Variants in KLHL3 observed in about 807,000 individuals in gnomAD.
The protein encoded by KLHL3 is kelch-like protein 3.
In KLHL3, 19 loss-of-function variants were observed where a neutral mutation model predicts 70.5. That is an observed-to-expected ratio of 0.27 (90% CI 0.19 to 0.40). The LOEUF (loss-of-function observed/expected upper bound fraction) is 0.40. Ranked by LOEUF, KLHL3 falls within the 10% of genes least tolerant of loss-of-function variation. The pLI is 1.00. For synonymous variants in KLHL3, 258 were observed against 290.3 expected, an observed-to-expected ratio of 0.89 and a Z score of 1.13; for missense variants, 512 against 771.1, an observed-to-expected ratio of 0.66 and a Z score of 3.98.
chr5:137,662,401 T>G (rs954280933), intron 6 of KLHL3, among the ~76,000 whole-genome samples: 1 of 152,172 alleles, frequency 6.6e-6, no homozygotes, highest in East Asian at 1.9e-4. Flanking sequence ...ACCAAATTTA[T>G]AGAGGCTGCT....
chr5:137,735,069 G>T (rs1427790248), intron 1 of KLHL3, among the ~76,000 whole-genome samples: 2 of 152,214 alleles, frequency 1.3e-5, no homozygotes, highest in African/African-American at 4.8e-5. Context: ...TTCAGAGCAA[G>T]TATCATCTGA....
intron 5 of KLHL3, among the ~76,000 whole-genome samples, chr5:137,686,989 G>T (rs1580761232): frequency 9.0e-6 from 1 of 111,556 alleles, no homozygotes; most frequent in Admixed American, 8.6e-5. Flanking sequence ...TCAGCCCCCC[G>T]CCCGGCCAGC....
intron 6 of KLHL3, among the ~76,000 whole-genome samples, chr5:137,663,704 C>G (rs1180438463): frequency 6.6e-6 from 1 of 151,788 alleles, no homozygotes; most frequent in Non-Finnish European, 1.5e-5. Context: ...TAGTTGAATC[C>G]CTGGATATGG....
chr5:137,632,777 G>A (rs1298994319), intron 12 of KLHL3, among the ~76,000 whole-genome samples: 1 of 152,102 alleles, frequency 6.6e-6, no homozygotes, highest in Non-Finnish European at 1.5e-5. Flanking sequence ...AAGGATTAAT[G>A]TTCAGAATAT....
intron 4 of KLHL3, among the ~76,000 whole-genome samples, chr5:137,693,389 G>C (rs1283870172): frequency 6.6e-6 from 1 of 152,170 alleles, no homozygotes; most frequent in East Asian, 1.9e-4. Flanking sequence ...GTATATGCAT[G>C]TGTTTTTCCT....
intron 8 of KLHL3, among the ~76,000 whole-genome samples, chr5:137,651,671 A>G (rs555148705): frequency 1.3e-5 from 2 of 152,286 alleles, no homozygotes; most frequent in South Asian, 4.1e-4. Context: ...TACCATTCCA[A>G]GCAGAACCCC....
chr5:137,719,862 T>G (rs556731083), intron 2 of KLHL3, among the ~76,000 whole-genome samples: 1 of 152,318 alleles, frequency 6.6e-6, no homozygotes, highest in South Asian at 2.1e-4. Context: ...AGCAGCTCGT[T>G]CTGTTGGAAA....
In KLHL3 at chr5:137,692,173, A is replaced by G. The variant is rs116837126; in HGVS notation, c.526+112T>C. On this transcript the variant is annotated intron_variant, in intron 5 of 14. Coordinates refer to ENST00000309755, the MANE Select transcript of KLHL3 (RefSeq NM_017415.3). The stretch of plus-strand genomic sequence containing the variant: ...TTCCACCTGTATCCCTAACTAAATC[A>G]TAGCTGCTTCACAGCAGAGACCACT... The G allele has an allele frequency of 2.9e-3, 2,708 of 923,964 alleles. 50 individuals are homozygous for G. In the African/African-American group the frequency reaches 0.039, roughly 13 times the overall value. The allele number at this position is 923,964 out of a possible 1,614,324, so 57.2% of individuals were successfully genotyped here.
chr5:137,641,034 C>T (rs1460659580), intron 8 of KLHL3, among the ~76,000 whole-genome samples: 4 of 152,152 alleles, frequency 2.6e-5, no homozygotes, highest in Admixed American at 2.6e-4. Context: ...AATAGAACTG[C>T]AGTACTTAAT....
intron 6 of KLHL3, chr5:137,673,837 G>GGAA (rs3839341): frequency 0.65 from 94,357 of 145,320 alleles, 29,842 homozygotes; most frequent in East Asian, 0.95. Flanking sequence ...AAGTGATGCT[G>GGAA]GAAGAACAGT....
chr5:137,673,844 C>T (rs79837524), intron 6 of KLHL3: 1 of 118,840 alleles, frequency 8.4e-6, no homozygotes, highest in Non-Finnish European at 1.8e-5. Context: ...GCTGGAAGAA[C>T]AGTCTCTGAG....
chr5:137,664,527 A>G (rs192197701), intron 6 of KLHL3, among the ~76,000 whole-genome samples: 1 of 152,058 alleles, frequency 6.6e-6, no homozygotes, highest in Admixed American at 6.5e-5. Flanking sequence ...AATGGATGCT[A>G]AAATCGAAAG....
At chr5:137,663,099 A>G (rs1218157058) in intron 6 of KLHL3, among the ~76,000 whole-genome samples, 2 of 121,574 alleles carry the variant, frequency 1.6e-5, no homozygotes, top group Non-Finnish European at 3.1e-5. Context: ...ACTCTGTCGC[A>G]TAGGCTGGAG....
intron 1 of KLHL3, among the ~76,000 whole-genome samples, chr5:137,723,080 C>T (rs1753027939): frequency 1.3e-5 from 2 of 152,160 alleles, no homozygotes; most frequent in Non-Finnish European, 2.9e-5. Context: ...CATCTTAGGT[C>T]ACATATTAAA....
chr5:137,676,562 C>T (rs568029869), intron 6 of KLHL3, among the ~76,000 whole-genome samples: 8 of 152,216 alleles, frequency 5.3e-5, no homozygotes, highest in African/African-American at 1.7e-4. Context: ...GGATTAATTC[C>T]AGGTGCAGGG....
chr5:137,625,021 T>G (rs1208789588), intron 14 of KLHL3, among the ~76,000 whole-genome samples: 1 of 152,254 alleles, frequency 6.6e-6, no homozygotes, highest in African/African-American at 2.4e-5. Flanking sequence ...ATTTATTAGC[T>G]GTGTGGCCTT....
intron 3 of KLHL3, among the ~76,000 whole-genome samples, chr5:137,702,654 C>T (rs1050039942): frequency 6.6e-6 from 1 of 152,136 alleles, no homozygotes; most frequent in Admixed American, 6.5e-5. Flanking sequence ...ATCACTGTAG[C>T]CACAGTGTGG....
intron 6 of KLHL3, among the ~76,000 whole-genome samples, chr5:137,675,975 A>G (rs1239249773): frequency 6.6e-6 from 1 of 152,220 alleles, no homozygotes; most frequent in Admixed American, 6.5e-5. Flanking sequence ...CCAATTTGAC[A>G]GCATAATCCA....
At chr5:137,654,400 C>G (rs1159916571) in intron 8 of KLHL3, among the ~76,000 whole-genome samples, 1 of 152,208 alleles carries the variant, frequency 6.6e-6, no homozygotes, top group Non-Finnish European at 1.5e-5. Context: ...TTAGCCAGTA[C>G]TTAACTGGGC....
Sources: gnomAD v4.1 joint callset for allele counts (sites outside exome capture counted in the v4.1 genomes callset) on GRCh38, gnomAD v4.1.1 for gene constraint, MANE v1.5 for transcripts, NCBI Gene and HGNC (gene_info 2026-07-23, HGNC 2026-07-21) for gene names.